The following FAAH2 variants were observed in gnomAD, a reference collection of about 807,000 sequenced individuals.
FAAH2 encodes the protein fatty acid amide hydrolase 2, also known as fatty-acid amide hydrolase 2.
Under a neutral mutation model 36.9 loss-of-function variants are expected in FAAH2, and 60 were observed. The observed-to-expected ratio is 1.63, with a 90% confidence interval of 1.32 to 2.02. FAAH2 has a LOEUF of 2.02. FAAH2 is among the 30% of genes most tolerant of loss of function. The pLI, the probability that FAAH2 is intolerant of heterozygous loss-of-function variation, is 0.00. For missense variants in FAAH2, 689 were observed against 397.5 expected (o/e 1.73, Z -6.23); for synonymous variants, 214 against 143.8 (o/e 1.49, Z -3.49).
chrX:57,202,979 G>A, the FAAH2 span, among the ~76,000 whole-genome samples: 1 of 111,885 alleles, frequency 8.9e-6, no homozygotes, highest in Non-Finnish European at 1.9e-5. Context: ...AGGTCCAAGG[G>A]CTCTTTAGTC....
the FAAH2 span, among the ~76,000 whole-genome samples, chrX:57,276,493 C>T: frequency 9.0e-6 from 1 of 111,577 alleles, no homozygotes; most frequent in Non-Finnish European, 1.9e-5. Flanking sequence ...AATCAGCACC[C>T]TAACACCACA....
In FAAH2 at chrX:57,393,111, C is replaced by G. The variant is rs1007693925; in HGVS notation, c.996+12082C>G. 1.6e-5 allele frequency: 16 copies of G among 985,510 alleles called. No homozygotes were observed. In the East Asian group the frequency reaches 3.7e-4, roughly 23 times the overall value. The allele number at this position is 985,510 out of a possible 1,213,427, so 81.2% of individuals were successfully genotyped here. ...TGAGTGCACTTCACGGCATCAAAAG[C>G]CCTCTGTTCTCTGGAAAGGCAGCCG... On this transcript the variant is annotated intron_variant, in intron 7 of 10. Transcript: ENST00000374900.
intron 10 of FAAH2, among the ~76,000 whole-genome samples, chrX:57,464,453 A>T (rs2057014136): frequency 9.4e-6 from 1 of 106,782 alleles, no homozygotes; most frequent in Non-Finnish European, 1.9e-5. Flanking sequence ...AAGAAAACCT[A>T]GTAAATACTT....
the FAAH2 span, among the ~76,000 whole-genome samples, chrX:57,240,582 GCA>G: frequency 3.6e-5 from 4 of 112,132 alleles, no homozygotes; most frequent in Non-Finnish European, 7.5e-5. Context: ...GTCTGCAAGT[GCA>G]CACAGTCTCC....
chrX:57,375,353 CTTTT>C (rs202228022), intron 5 of FAAH2, among the ~76,000 whole-genome samples: 4 of 65,259 alleles, frequency 6.1e-5, no homozygotes, highest in Non-Finnish European at 8.3e-5. Flanking sequence ...TGGTACTGCA[CTTTT>C]TTTTTTTTTT....
intron 7 of FAAH2, among the ~76,000 whole-genome samples, chrX:57,400,874 G>A (rs2147300422): frequency 8.9e-6 from 1 of 112,333 alleles, no homozygotes; most frequent in South Asian, 3.7e-4. Context: ...TGCAATCCCA[G>A]CACCCTGAGA....
chrX:57,331,544 A>G, intron 3 of FAAH2, 54 bp from the exon 4 acceptor site: 1 of 1,089,465 alleles, frequency 9.2e-7, no homozygotes, highest in Non-Finnish European at 1.2e-6. Flanking sequence ...CTCAGGAGAA[A>G]ACAACTATTT....
chrX:57,383,662 T>G (rs4826545), intron 7 of FAAH2, among the ~76,000 whole-genome samples: 1 of 110,409 alleles, frequency 9.1e-6, no homozygotes, highest in Non-Finnish European at 1.9e-5. Context: ...TACTGCTCAA[T>G]GAAATAAAAG....
chrX:57,173,773 C>T, the FAAH2 span, among the ~76,000 whole-genome samples: 1 of 111,239 alleles, frequency 9.0e-6, no homozygotes, highest in Middle Eastern at 4.6e-3. Flanking sequence ...AGTTTTTATT[C>T]TAAAGAAATG....
chrX:57,397,906 A>G (rs1212028150), intron 7 of FAAH2, among the ~76,000 whole-genome samples: 1 of 85,475 alleles, frequency 1.2e-5, no homozygotes, highest in Non-Finnish European at 2.2e-5. Context: ...TCCTGTGTCC[A>G]TGTGTTCTCA....
intron 2 of FAAH2, among the ~76,000 whole-genome samples, chrX:57,302,678 G>A (rs1025003747): frequency 4.5e-5 from 5 of 111,119 alleles, no homozygotes; most frequent in African/African-American, 6.5e-5. Context: ...CTTGGATTTC[G>A]CTCCCCTACC....
the FAAH2 span, among the ~76,000 whole-genome samples, chrX:57,152,704 C>A: frequency 1.8e-5 from 2 of 112,054 alleles, no homozygotes; most frequent in Non-Finnish European, 3.8e-5. Context: ...ATCTCCCTGA[C>A]CCATTGTGCT....
chrX:57,381,023 G>T lies in FAAH2; in HGVS notation c.990G>T (p.Gln330His), dbSNP rs199898402. ...TGGACCAAGATCTCATTATGACTCAGAAAAAGGTAATTTTAAATAAAATTT... is the reference window on the plus strand; with the variant it reads ...TGGACCAAGATCTCATTATGACTCATAAAAAGGTAATTTTAAATAAAATTT... Reference protein sequence around the residue: ...SKVDQDLIMTQKKVVVHLETI... With the variant: ...SKVDQDLIMTHKKVVVHLETI... The change falls in exon 7 of 11, where the codon CAG (glutamine) becomes CAT (histidine). Residue 330 changes from glutamine (Q) to histidine (H), a missense_variant. Coordinates refer to ENST00000374900, the MANE Select transcript of FAAH2 (RefSeq NM_174912.4). The T allele has an allele frequency of 1.6e-5, 18 of 1,158,804 alleles. No homozygotes were observed. The highest frequency in any genetic ancestry group is 2.4e-4 in the Middle Eastern group (1 of 4,224).
the FAAH2 span, among the ~76,000 whole-genome samples, chrX:57,190,203 C>T: frequency 2.3e-4 from 25 of 109,729 alleles, no homozygotes; most frequent in East Asian, 8.6e-4. Context: ...AGCGCTGTCA[C>T]GGGAAAACTG....
At chrX:57,459,872 A>G (rs923948494) in intron 10 of FAAH2, among the ~76,000 whole-genome samples, 2 of 112,013 alleles carry the variant, frequency 1.8e-5, no homozygotes, top group African/African-American at 6.5e-5. Flanking sequence ...AGGTAGATAA[A>G]TCCACTACAA....
chrX:57,163,812 C>T, the FAAH2 span, among the ~76,000 whole-genome samples: 1 of 112,354 alleles, frequency 8.9e-6, no homozygotes, highest in Non-Finnish European at 1.9e-5. Flanking sequence ...ATGCAGAAAT[C>T]ACCCGTCTTC....
chrX:57,436,989 A>G (rs1314821825), intron 8 of FAAH2, among the ~76,000 whole-genome samples: 1 of 111,097 alleles, frequency 9.0e-6, no homozygotes, highest in Non-Finnish European at 1.9e-5. Context: ...TCAGCAAAAT[A>G]CTAGAAAACC....
chrX:57,202,447 C>A, the FAAH2 span, among the ~76,000 whole-genome samples: 1 of 111,591 alleles, frequency 9.0e-6, no homozygotes, highest in Admixed American at 9.5e-5. Flanking sequence ...GATAACCAAG[C>A]TGAGACTCTT....
intron 8 of FAAH2, among the ~76,000 whole-genome samples, chrX:57,439,613 C>T (rs1466657541): frequency 9.0e-6 from 1 of 111,464 alleles, no homozygotes; most frequent in African/African-American, 3.3e-5. Context: ...TAATTAGATG[C>T]CATTTGTCAT....
Sources: gnomAD v4.1 joint callset for allele counts (sites outside exome capture counted in the v4.1 genomes callset) on GRCh38, gnomAD v4.1.1 for gene constraint, MANE v1.5 for transcripts, NCBI Gene and HGNC (gene_info 2026-07-23, HGNC 2026-07-21) for gene names.